Variants in NPEPPS observed in about 807,000 individuals in gnomAD.
NPEPPS encodes aminopeptidase puromycin sensitive, also known as puromycin-sensitive aminopeptidase.
Under a neutral mutation model 115.5 loss-of-function variants are expected in NPEPPS, and 14 were observed. The observed-to-expected ratio is 0.12, with a 90% CI of 0.08 to 0.19. The LOEUF is 0.19. Among genes scored for constraint, NPEPPS ranks in the 10% least tolerant of loss-of-function variants. The probability of loss-of-function intolerance (pLI) is 1.00; values close to 1 mark genes in which losing one functional copy is unlikely to be tolerated. For missense variants in NPEPPS, 523 were observed against 1,110.8 expected, an observed-to-expected ratio of 0.47 and a Z score of 7.52; for synonymous variants, 285 against 390.6, an observed-to-expected ratio of 0.73 and a Z score of 3.19.
intron 1 of NPEPPS, among the ~76,000 whole-genome samples, chr17:47,532,129 C>T (rs1264093345): frequency 6.6e-6 from 1 of 152,052 alleles, no homozygotes; most frequent in Non-Finnish European, 1.5e-5. Context: ...TCCCAGGCAG[C>T]CTCGCTGACT....
At chr17:47,596,568 A>T (rs1912891305) in intron 13 of NPEPPS, 106 bp downstream of exon 13, 1 of 556,558 alleles carries the variant, frequency 1.8e-6, no homozygotes, top group East Asian at 3.2e-5. Context: ...GTGACATTTA[A>T]ACCAGCCCTG....
Position 47,524,558 on chromosome 17 carries a change from G to A in NPEPPS, c.77+1495G>A, listed in dbSNP as rs561383533. Reference sequence around the variant, plus strand: ...TGCGCAGGCTGGAGTGCAGTGGCGCGATCTTGGCTCACTGCAAGCTCTGCC... The same window carrying A: ...TGCGCAGGCTGGAGTGCAGTGGCGCAATCTTGGCTCACTGCAAGCTCTGCC... On this transcript the variant is annotated intron_variant, in intron 1 of 5. Transcript: ENST00000525007. Among the ~76,000 whole-genome samples the A allele has an allele frequency of 2.0e-4, 31 of 151,532 alleles. No homozygotes were observed. The East Asian group carries it at 5.7e-3, about 28-fold the overall frequency.
intron 15 of NPEPPS, among the ~76,000 whole-genome samples, chr17:47,603,285 G>T (rs1913331051): frequency 6.6e-6 from 1 of 152,068 alleles, no homozygotes; most frequent in Admixed American, 6.6e-5. Flanking sequence ...GGTGGCGGGT[G>T]CCTGTAATCC....
chr17:47,539,111 T>TC (rs1908562793), intron 1 of NPEPPS, among the ~76,000 whole-genome samples: 1 of 149,558 alleles, frequency 6.7e-6, no homozygotes, highest in Non-Finnish European at 1.5e-5. Flanking sequence ...TTTTTTTTTT[T>TC]TTTTTCTTTT....
At chr17:47,568,722 C>T (rs1415487140) in intron 2 of NPEPPS, among the ~76,000 whole-genome samples, 2 of 151,876 alleles carry the variant, frequency 1.3e-5, no homozygotes, top group Non-Finnish European at 2.9e-5. Context: ...ATGATGTGAT[C>T]TTGGCTCACT....
chr17:47,554,298 G>A (rs988195324), intron 2 of NPEPPS, among the ~76,000 whole-genome samples: 16 of 152,062 alleles, frequency 1.1e-4, no homozygotes, highest in Admixed American at 2.0e-4. Context: ...CCTCAGCCTC[G>A]TAAAGTGTTG....
At chr17:47,538,403 C>T (rs1038638721) in intron 1 of NPEPPS, among the ~76,000 whole-genome samples, 1 of 148,698 alleles carries the variant, frequency 6.7e-6, no homozygotes. Flanking sequence ...TTCTAGAGAC[C>T]AGGTTTCGCC....
At chr17:47,531,957 C>T (rs977297500) in intron 1 of NPEPPS, among the ~76,000 whole-genome samples, 2 of 152,146 alleles carry the variant, frequency 1.3e-5, no homozygotes, top group Admixed American at 1.3e-4. Context: ...TGGGAGTCCC[C>T]GCTCTGCCTC....
At chr17:47,524,537 C>T (rs1197232722) in intron 1 of NPEPPS, among the ~76,000 whole-genome samples, 1 of 151,716 alleles carries the variant, frequency 6.6e-6, no homozygotes, top group East Asian at 1.9e-4. Context: ...CTCTGTTGCG[C>T]AGGCTGGAGT....
chr17:47,606,157 A>G (rs1052042702), intron 17 of NPEPPS, among the ~76,000 whole-genome samples: 3 of 152,132 alleles, frequency 2.0e-5, no homozygotes, highest in Non-Finnish European at 4.4e-5. Flanking sequence ...TATTATTACC[A>G]TAAATACCAG....
chr17:47,536,704 C>CTTTTTT (rs572115219), intron 1 of NPEPPS, among the ~76,000 whole-genome samples: 71 of 76,834 alleles, frequency 9.2e-4, no homozygotes, highest in Non-Finnish European at 1.3e-3. Flanking sequence ...TGCCTGGCTT[C>CTTTTTT]TTTTTTTTTT....
intron 19 of NPEPPS, among the ~76,000 whole-genome samples, chr17:47,617,030 C>T (rs1387992925): frequency 6.6e-6 from 1 of 151,904 alleles, no homozygotes; most frequent in African/African-American, 2.4e-5. Flanking sequence ...TTAAGAATTA[C>T]AACATTTTGT....
chr17:47,597,501 C>A (rs141784047), intron 13 of NPEPPS, among the ~76,000 whole-genome samples: 2 of 152,106 alleles, frequency 1.3e-5, no homozygotes, highest in Non-Finnish European at 2.9e-5. Flanking sequence ...CCTACATTGT[C>A]CACAAAGCTA....
In NPEPPS at chr17:47,556,758, C is replaced by T. The variant is rs562475670; in HGVS notation, c.340+10765C>T. 2.6e-5 allele frequency among the ~76,000 whole-genome samples: 4 copies of T among 152,362 alleles called. No homozygotes were observed. In the South Asian group the frequency reaches 6.2e-4, roughly 24 times the overall value. ...GGGGCGGCTCAAGCAATTCTCTTGC[C>T]TCTGCCTCCCAAGTAGCTGGGACTA... On this transcript the variant is annotated intron_variant, in intron 2 of 22. Coordinates refer to ENST00000322157, the MANE Select transcript of NPEPPS (RefSeq NM_006310.4).
At chr17:47,563,584 T>G (rs1005562573) in intron 2 of NPEPPS, among the ~76,000 whole-genome samples, 1 of 152,148 alleles carries the variant, frequency 6.6e-6, no homozygotes, top group African/African-American at 2.4e-5. Flanking sequence ...GTTTCTTTTT[T>G]TTTTTAGATG....
At chr17:47,535,066 A>T (rs1023369612) in intron 1 of NPEPPS, among the ~76,000 whole-genome samples, 1 of 147,578 alleles carries the variant, frequency 6.8e-6, no homozygotes, top group Admixed American at 6.8e-5. Flanking sequence ...AACACGGTGA[A>T]ACCCCATCTC....
At position 47,545,919 on chromosome 17, in the gene NPEPPS, C is replaced by T. The variant is rs369570255; in HGVS notation, c.266C>T (p.Ala89Val). ...KLEAAAQVRQATNQIVMNCAD... is the reference protein window; with the variant it reads ...KLEAAAQVRQVTNQIVMNCAD... ...TCCTTTTCCCCTTAGGTGAGGCAGG[C>T]GACTAATCAGATTGTGATGAATTGT... is the stretch of plus-strand genomic sequence containing the variant. The change falls in exon 2 of 23, where the codon GCG (alanine) becomes GTG (valine). Residue 89 changes from alanine (A) to valine (V), a missense_variant. Transcript: ENST00000322157. The T allele has an allele frequency of 1.8e-4, 285 of 1,555,278 alleles. 1 individual carries two copies. The African/African-American group carries it at 3.5e-3, about 19-fold the overall frequency.
intron 16 of NPEPPS, 24 bp downstream of exon 16, chr17:47,604,073 T>C: frequency 6.3e-7 from 1 of 1,594,756 alleles, no homozygotes; most frequent in Non-Finnish European, 8.6e-7. Flanking sequence ...ACTTAAGTAA[T>C]ATGATGGATT....
chr17:47,564,860 T>C (rs1910698502), intron 2 of NPEPPS, among the ~76,000 whole-genome samples: 1 of 151,922 alleles, frequency 6.6e-6, no homozygotes. Flanking sequence ...TATATTATGT[T>C]GTGACTGGAA....
Sources: gnomAD v4.1 joint callset for allele counts (sites outside exome capture counted in the v4.1 genomes callset) on GRCh38, gnomAD v4.1.1 for gene constraint, MANE v1.5 for transcripts, NCBI Gene and HGNC (gene_info 2026-07-23, HGNC 2026-07-21) for gene names.